NAV2: variants seen among roughly 807,000 people sequenced by gnomAD.
NAV2 encodes helicase, APC down-regulated 1.
In NAV2, 54 loss-of-function variants were observed where a neutral mutation model predicts 223.2. The ratio of observed to expected loss-of-function variants is 0.24; its 90% CI spans 0.19 to 0.30. The LOEUF (loss-of-function observed/expected upper bound fraction) is 0.30. Among genes scored for constraint, NAV2 ranks in the 10% least tolerant of loss-of-function variants. NAV2 has a pLI of 1.00. For synonymous variants in NAV2, 1,279 were observed against 1,239.3 expected (o/e 1.03, Z -0.67); for missense variants, 2,806 against 3,147.5 (o/e 0.89, Z 2.60).
chr11:19,616,304 CTGTGTGTGTGTG>C (rs113035353), intron 1 of NAV2, among the ~76,000 whole-genome samples: 2 of 140,630 alleles, frequency 1.4e-5, no homozygotes, highest in Admixed American at 7.1e-5. Flanking sequence ...TTGCTTCTGA[CTGTGTGTGTGTG>C]TGTGTGTGTG....
rs545043778 is a variant in NAV2 at position 19,671,195 on chromosome 11, T to C, written c.76-161289T>C. ...TCTTGAGATTTCCCTAGTTTTGTAC[T>C]GTTTGCTCTTGTTCTTGTCTCACCA... On this transcript the variant is annotated intron_variant, in intron 1 of 37. Coordinates refer to the NAV2 transcript ENST00000360655. 2.0e-5 allele frequency among the ~76,000 whole-genome samples: 3 copies of C among 152,384 alleles called. No individual in the cohort carries two copies. The East Asian group carries it at 5.8e-4, about 29-fold the overall frequency.
chr11:19,524,128 A>C (rs2043768930), intron 1 of NAV2, among the ~76,000 whole-genome samples: 1 of 152,116 alleles, frequency 6.6e-6, no homozygotes, highest in Non-Finnish European at 1.5e-5. Context: ...TGATCCCCTG[A>C]GGGTAGGGAC....
intron 1 of NAV2, among the ~76,000 whole-genome samples, chr11:19,410,228 T>C (rs1181072177): frequency 1.3e-5 from 2 of 152,166 alleles, no homozygotes; most frequent in Non-Finnish European, 2.9e-5. Flanking sequence ...AACTTTTTGT[T>C]TCGCTTCCTC....
intron 36 of NAV2, among the ~76,000 whole-genome samples, chr11:20,110,866 T>C (rs1418788374): frequency 6.6e-6 from 1 of 152,206 alleles, no homozygotes; most frequent in Non-Finnish European, 1.5e-5. Flanking sequence ...AGTGAGGTTC[T>C]AGGCTGAGAA....
At chr11:19,948,505 T>C (rs916327740) in intron 9 of NAV2, among the ~76,000 whole-genome samples, 186 bp from the exon 10 acceptor site, 4 of 152,214 alleles carry the variant, frequency 2.6e-5, no homozygotes, top group Non-Finnish European at 4.4e-5. Context: ...CAGAATGTTA[T>C]GTAGATGTGT....
At chr11:20,044,941 G>C (rs768015869) in intron 13 of NAV2, 27 bp from the exon 14 acceptor site, 8 of 1,569,814 alleles carry the variant, frequency 5.1e-6, no homozygotes, top group Non-Finnish European at 6.9e-6. Context: ...TTGGCTTGCA[G>C]GCTAATCTTG....
chr11:19,625,673 T>C (rs570337092), intron 1 of NAV2, among the ~76,000 whole-genome samples: 153 of 152,338 alleles, frequency 1.0e-3, no homozygotes, highest in African/African-American at 3.6e-3. Context: ...ACCAAAAATG[T>C]ATGAGTTCCC....
chr11:20,010,549 T>A (rs572709591), intron 11 of NAV2, among the ~76,000 whole-genome samples: 1 of 152,294 alleles, frequency 6.6e-6, no homozygotes, highest in East Asian at 1.9e-4. Flanking sequence ...CAAACACGCC[T>A]CTCTGTCTCT....
intron 1 of NAV2, among the ~76,000 whole-genome samples, chr11:19,808,471 C>A (rs1467198981): frequency 6.6e-6 from 1 of 152,124 alleles, no homozygotes; most frequent in Non-Finnish European, 1.5e-5. Flanking sequence ...ATGGTCTGCA[C>A]AAAATGATTA....
chr11:19,979,551 G>T (rs1360279066), intron 10 of NAV2, among the ~76,000 whole-genome samples: 3 of 152,020 alleles, frequency 2.0e-5, no homozygotes, highest in African/African-American at 7.2e-5. Flanking sequence ...CACCCTTTAG[G>T]GCCAACTTAA....
At chr11:19,383,733 A>T (rs1238673703) in intron 1 of NAV2, among the ~76,000 whole-genome samples, 1 of 152,254 alleles carries the variant, frequency 6.6e-6, no homozygotes, top group Admixed American at 6.5e-5. Flanking sequence ...AACGCATCAG[A>T]AGTAATTCAG....
rs540871935 is a variant in NAV2 at position 19,379,770 on chromosome 11, C to A, written c.75+28743C>A. On this transcript the variant is annotated intron_variant, in intron 1 of 37. Coordinates refer to the NAV2 transcript ENST00000360655. ...TTGGCATTCCTCTGAGACTTCCTCG[C>A]ATTCTCCTTTTTTTCTGTTTTGCTG... Among the ~76,000 whole-genome samples the A allele has an allele frequency of 4.9e-4, 74 of 152,266 alleles. 1 individual carries two copies. The highest frequency in any genetic ancestry group is 1.8e-3 in the African/African-American group (73 of 41,556).
chr11:20,118,413 G>A lies in NAV2; in HGVS notation c.*155G>A, dbSNP rs1299649214. The A allele has an allele frequency of 2.4e-6, 2 of 824,958 alleles. No homozygotes were observed. The highest frequency in any genetic ancestry group is 1.7e-5 in the African/African-American group (1 of 58,286). The allele number at this position is 824,958 out of a possible 1,614,324, so 51.1% of individuals were successfully genotyped here. A position where few individuals can be genotyped will look rare whatever the true frequency, so the allele number is the denominator to read the frequency against. On this transcript the variant is annotated 3_prime_UTR_variant, in exon 38 of 38. Transcript: ENST00000349880. ...CCCCCGTCCTTCAGCCTCGACCTGG[G>A]TGCAGGCATCCCGGGCCAGCTGCCT...
chr11:19,490,995 G>A (rs1217441074), intron 1 of NAV2, among the ~76,000 whole-genome samples: 2 of 152,160 alleles, frequency 1.3e-5, no homozygotes, highest in Non-Finnish European at 2.9e-5. Flanking sequence ...CAGGTGCATT[G>A]TCAATGAGCA....
chr11:19,785,344 T>G (rs2057025990), intron 1 of NAV2, among the ~76,000 whole-genome samples: 1 of 152,198 alleles, frequency 6.6e-6, no homozygotes, highest in Non-Finnish European at 1.5e-5. Context: ...GCAAAGATTA[T>G]AAAGAGCGAG....
chr11:20,011,588 C>G (rs554586073), intron 11 of NAV2, among the ~76,000 whole-genome samples: 4 of 152,194 alleles, frequency 2.6e-5, no homozygotes, highest in Admixed American at 6.5e-5. Flanking sequence ...GCTTAAGCAA[C>G]GTGTCCAAAG....
At chr11:19,651,971 A>G (rs1055114267) in intron 1 of NAV2, among the ~76,000 whole-genome samples, 1 of 152,222 alleles carries the variant, frequency 6.6e-6, no homozygotes, top group African/African-American at 2.4e-5. Context: ...ATTTAGATAC[A>G]CCAGAACTTT....
chr11:19,430,523 C>G (rs754285815), intron 1 of NAV2, among the ~76,000 whole-genome samples: 1 of 152,210 alleles, frequency 6.6e-6, no homozygotes, highest in African/African-American at 2.4e-5. Flanking sequence ...TAGCTGCTGA[C>G]GCCATCCCCT....
rs528614158 is a variant in NAV2, at chr11:19,767,267, C to T, written c.267+53305C>T. On this transcript the variant is annotated intron_variant, in intron 1 of 37. Transcript: ENST00000349880. Reference sequence around the variant, plus strand: ...CTCTTGATTGTAGTAAATAAGACAGCTGCATAACAGGAGGGAAAATGCAGT... The same window carrying T: ...CTCTTGATTGTAGTAAATAAGACAGTTGCATAACAGGAGGGAAAATGCAGT... Among the ~76,000 whole-genome samples the T allele has an allele frequency of 3.9e-4, 60 of 152,266 alleles. No homozygotes were observed. The South Asian group carries it at 0.012, about 30-fold the overall frequency.
Sources: gnomAD v4.1 joint callset for allele counts (sites outside exome capture counted in the v4.1 genomes callset) on GRCh38, gnomAD v4.1.1 for gene constraint, MANE v1.5 for transcripts, NCBI Gene and HGNC (gene_info 2026-07-23, HGNC 2026-07-21) for gene names.